Variants in TNR observed in about 807,000 individuals in gnomAD.
The protein encoded by TNR is tenascin-R.
Under a neutral mutation model 150.4 loss-of-function variants are expected in TNR, and 45 were observed. The observed-to-expected ratio is 0.30, with a 90% CI of 0.24 to 0.38. The LOEUF is 0.38. Ranked by LOEUF, TNR falls within the 10% of genes least tolerant of loss-of-function variation. The pLI is 1.00. For synonymous variants in TNR, 687 were observed against 678.4 expected, an observed-to-expected ratio of 1.01 and a Z score of -0.20; for missense variants, 1,544 against 1,759.1, an observed-to-expected ratio of 0.88 and a Z score of 2.19.
intron 9 of TNR, among the ~76,000 whole-genome samples, chr1:175,372,456 A>C (rs1300837018): frequency 6.6e-6 from 1 of 152,256 alleles, no homozygotes; most frequent in African/African-American, 2.4e-5. Context: ...AAGCTGGCTA[A>C]GATAAGGAAA....
rs1557981578 is a variant in TNR, at chr1:175,517,056, AGAAAGAG to A, written c.-64+11206_-64+11212del. On this transcript the variant is annotated intron_variant, in intron 2 of 22. Coordinates refer to ENST00000367674, the MANE Select transcript of TNR (RefSeq NM_003285.3). ...GAGAGAGAGAGAGAGAGAGAGAGAG[AGAAAGAG>A]AGAGAGACCTTCAAATACAGCACAG... Among the ~76,000 whole-genome samples, 746 of 118,496 alleles carry A rather than the reference AGAAAGAG, an allele frequency of 6.3e-3. 2 individuals carry two copies. The highest frequency in any genetic ancestry group is 0.022 in the African/African-American group (704 of 32,180). The allele number at this position is 118,496 out of a possible 152,430, so 77.7% of individuals were successfully genotyped here. A position where few individuals can be genotyped will look rare whatever the true frequency, so the allele number is the denominator to read the frequency against.
chr1:175,705,689 T>C (rs2101930785), intron 1 of TNR, among the ~76,000 whole-genome samples: 1 of 152,284 alleles, frequency 6.6e-6, no homozygotes, highest in East Asian at 1.9e-4. Flanking sequence ...CCAGATGCCA[T>C]GGATCCCATG....
chr1:175,649,855 A>G (rs577670621), intron 1 of TNR, among the ~76,000 whole-genome samples: 45 of 152,072 alleles, frequency 3.0e-4, no homozygotes, highest in African/African-American at 9.9e-4. Flanking sequence ...GGCTCCTCAC[A>G]TGCACCCTCT....
At position 175,611,209 on chromosome 1, in the gene TNR, T is replaced by G. The variant is rs570890935; in HGVS notation, c.-164-82840A>C. 2.6e-5 allele frequency among the ~76,000 whole-genome samples: 4 copies of G among 151,958 alleles called. No homozygotes were observed. In the East Asian group the frequency reaches 5.8e-4, roughly 22 times the overall value. On this transcript the variant is annotated intron_variant, in intron 1 of 22. Coordinates refer to ENST00000367674, the MANE Select transcript of TNR (RefSeq NM_003285.3). The stretch of plus-strand genomic sequence containing the variant: ...AGCTTTTGATCACTGGAGGCTTGTG[T>G]TCATCTGGGAATCGCTCTTTATTTT...
chr1:175,453,821 C>T (rs1294069132), intron 2 of TNR, among the ~76,000 whole-genome samples: 1 of 152,192 alleles, frequency 6.6e-6, no homozygotes. Context: ...GAGCCTCCTG[C>T]CTTGGCCTCT....
chr1:175,469,974 A>G (rs747510361), intron 2 of TNR, among the ~76,000 whole-genome samples: 2 of 152,158 alleles, frequency 1.3e-5, no homozygotes, highest in Admixed American at 6.5e-5. Flanking sequence ...GAGGGAAAAC[A>G]TGTAATGATG....
intron 1 of TNR, among the ~76,000 whole-genome samples, chr1:175,633,705 A>G (rs940223641): frequency 3.9e-5 from 6 of 152,180 alleles, no homozygotes; most frequent in Non-Finnish European, 7.3e-5. Flanking sequence ...TTCGGCCAGG[A>G]AAGGGAGGAG....
chr1:175,693,396 C>T (rs629141), intron 1 of TNR, among the ~76,000 whole-genome samples: 7,113 of 152,298 alleles, frequency 0.047, 238 homozygotes, highest in Middle Eastern at 0.16. Flanking sequence ...AACTGTCTCC[C>T]GACAGAAATC....
chr1:175,724,345 G>A (rs1028686574), intron 1 of TNR, among the ~76,000 whole-genome samples: 9 of 152,136 alleles, frequency 5.9e-5, no homozygotes, highest in Admixed American at 5.9e-4. Flanking sequence ...AAGAGGAAGA[G>A]AGCGAGAAGG....
intron 1 of TNR, among the ~76,000 whole-genome samples, chr1:175,579,029 T>C (rs1284337345): frequency 2.0e-5 from 3 of 152,170 alleles, no homozygotes; most frequent in Non-Finnish European, 4.4e-5. Flanking sequence ...CTCTCTCAAC[T>C]AAGCAAAAAT....
chr1:175,611,028 C>T (rs1310680336), intron 1 of TNR, among the ~76,000 whole-genome samples: 1 of 152,184 alleles, frequency 6.6e-6, no homozygotes. Context: ...CTGTTGCCTA[C>T]CTTCTACTTT....
chr1:175,657,910 T>C lies in TNR; in HGVS notation c.-165+85316A>G, dbSNP rs1427071183. Among the ~76,000 whole-genome samples the C allele has an allele frequency of 5.1e-5, 6 of 117,402 alleles. No homozygotes were observed. In the East Asian group the frequency reaches 1.4e-3, roughly 27 times the overall value. 77.0% of individuals were successfully genotyped at this position (117,402 alleles called of 152,430 possible). The stretch of plus-strand genomic sequence containing the variant: ...GTAACAAACCTGCACGTTGTGCACA[T>C]GTACCCTAAAACTTAAAGTATAATA... On this transcript the variant is annotated intron_variant, in intron 1 of 22. Transcript: ENST00000367674.
intron 1 of TNR, among the ~76,000 whole-genome samples, chr1:175,611,084 T>C (rs1013153357): frequency 1.3e-5 from 2 of 152,192 alleles, no homozygotes; most frequent in African/African-American, 4.8e-5. Context: ...TTCCTCCCCC[T>C]TGCCCTTTGC....
chr1:175,382,304 T>C (rs554292134), intron 8 of TNR, among the ~76,000 whole-genome samples: 58 of 152,178 alleles, frequency 3.8e-4, no homozygotes, highest in Non-Finnish European at 6.8e-4. Context: ...AAAGTCTTGT[T>C]AAATATTTCA....
At chr1:175,507,051 T>C (rs1178836608) in intron 2 of TNR, among the ~76,000 whole-genome samples, 3 of 152,186 alleles carry the variant, frequency 2.0e-5, no homozygotes, top group Admixed American at 6.5e-5. Context: ...CCAAGTCAGA[T>C]GGGCTGTATG....
intron 2 of TNR, among the ~76,000 whole-genome samples, chr1:175,474,010 T>C (rs140523453): frequency 6.6e-6 from 1 of 152,126 alleles, no homozygotes; most frequent in Non-Finnish European, 1.5e-5. Context: ...TTAGGAATCA[T>C]ACACACACAC....
chr1:175,620,475 G>A (rs1353897547), intron 1 of TNR, among the ~76,000 whole-genome samples: 2 of 152,196 alleles, frequency 1.3e-5, no homozygotes, highest in Non-Finnish European at 1.5e-5. Context: ...TGTTAACAAT[G>A]AGCCAGAGAA....
chr1:175,372,177 C>T (rs1320999085), intron 9 of TNR, among the ~76,000 whole-genome samples: 1 of 152,192 alleles, frequency 6.6e-6, no homozygotes, highest in East Asian at 1.9e-4. Flanking sequence ...TTTCCGAGGC[C>T]CTCACCAGAA....
At chr1:175,582,592 G>T (rs551018474) in intron 1 of TNR, among the ~76,000 whole-genome samples, 14 of 152,282 alleles carry the variant, frequency 9.2e-5, no homozygotes, top group African/African-American at 2.2e-4. Context: ...AGAGGGGGTG[G>T]TGGAGAACTC....
Sources: allele counts gnomAD v4.1 joint callset (sites outside exome capture counted in the v4.1 genomes callset), GRCh38; gene constraint gnomAD v4.1.1; transcripts MANE v1.5; gene names NCBI Gene and HGNC (gene_info 2026-07-23, HGNC 2026-07-21).